The following ARSB variants were observed in gnomAD, a reference collection of about 807,000 sequenced individuals.
ARSB encodes the protein arylsulfatase B.
In ARSB, 41 loss-of-function variants were observed where a neutral mutation model predicts 50.9. The ratio of observed to expected loss-of-function variants is 0.81; its 90% confidence interval spans 0.63 to 1.04. ARSB has a LOEUF of 1.04. ARSB is among the 50% of genes least tolerant of loss of function. The pLI is 0.00. For missense variants in ARSB, 672 were observed against 693.3 expected (o/e 0.97, Z 0.35); for synonymous variants, 269 against 284.8 (o/e 0.94, Z 0.56).
intron 4 of ARSB, among the ~76,000 whole-genome samples, chr5:78,927,688 G>C (rs1561506789): frequency 6.6e-6 from 1 of 152,178 alleles, no homozygotes; most frequent in African/African-American, 2.4e-5. Flanking sequence ...AGCTTGGAGA[G>C]ACTGTATGCA....
intron 4 of ARSB, among the ~76,000 whole-genome samples, chr5:78,936,788 A>G (rs1036906731): frequency 6.6e-6 from 1 of 152,186 alleles, no homozygotes; most frequent in Non-Finnish European, 1.5e-5. Flanking sequence ...AATGCATTCA[A>G]TAATGTTTGT....
chr5:78,946,308 C>T (rs1179102080), intron 4 of ARSB, among the ~76,000 whole-genome samples: 1 of 152,122 alleles, frequency 6.6e-6, no homozygotes. Context: ...TCAAATTATC[C>T]TTGTTTGCAG....
intron 5 of ARSB, among the ~76,000 whole-genome samples, chr5:78,858,701 GA>G (rs543366561): frequency 2.6e-5 from 4 of 151,844 alleles, no homozygotes; most frequent in African/African-American, 9.7e-5. Flanking sequence ...AAATTTTGAA[GA>G]AAAAAAATAA....
At chr5:78,939,524 C>T (rs1021843198) in intron 4 of ARSB, among the ~76,000 whole-genome samples, 13 of 151,926 alleles carry the variant, frequency 8.6e-5, no homozygotes, top group African/African-American at 2.9e-4. Flanking sequence ...TGAGTGAGAA[C>T]ATGTGGTGTT....
intron 5 of ARSB, among the ~76,000 whole-genome samples, chr5:78,848,723 TA>T (rs1324645454): frequency 2.6e-5 from 4 of 152,160 alleles, no homozygotes; most frequent in African/African-American, 9.7e-5. Context: ...ACATCCTCTC[TA>T]GCACCTGTTG....
chr5:78,829,135 A>G (rs999671420), intron 6 of ARSB, among the ~76,000 whole-genome samples: 2 of 152,246 alleles, frequency 1.3e-5, no homozygotes, highest in Admixed American at 6.5e-5. Context: ...AGCCCTGCCA[A>G]TCGGTACCCT....
At chr5:78,870,273 C>T (rs1581071070) in intron 5 of ARSB, among the ~76,000 whole-genome samples, 1 of 110,030 alleles carries the variant, frequency 9.1e-6, no homozygotes, top group East Asian at 2.1e-4. Flanking sequence ...GAAACTATTC[C>T]AATCAATAGA....
rs774555967 is a variant in ARSB at position 78,984,929 on chromosome 5, C to T, written c.312+8G>A. ...GGGGGCGGCGCGGGCGGCGGGGGCG[C>T]CGCGTACCTGGTAGCGGCCAGTGAG... On this transcript the variant is annotated splice_region_variant and intron_variant, in intron 1 of 7. Coordinates refer to ENST00000264914, the MANE Select transcript of ARSB (RefSeq NM_000046.5). 2.2e-6 allele frequency: 3 copies of T among 1,356,672 alleles called. No homozygotes were observed. The highest frequency in any genetic ancestry group is 9.5e-7 in the Non-Finnish European group (1 of 1,053,588). The allele number at this position is 1,356,672 out of a possible 1,614,324, so 84.0% of individuals were successfully genotyped here. A position where few individuals can be genotyped will look rare whatever the true frequency, so the allele number is the denominator to read the frequency against.
chr5:78,849,722 C>T lies in ARSB; in HGVS notation c.1143-10296G>A, dbSNP rs1458072191. Among the ~76,000 whole-genome samples the T allele has an allele frequency of 2.7e-5, 4 of 146,104 alleles. 1 individual carries two copies. Among genetic ancestry groups the T allele is most frequent in the Non-Finnish European group, 4.6e-5 (3 of 65,492 alleles). On this transcript the variant is annotated intron_variant, in intron 5 of 7. Coordinates refer to ENST00000264914, the MANE Select transcript of ARSB (RefSeq NM_000046.5). Reference sequence around the variant, plus strand: ...GGAATGTTCTTCCATTTGTTTGTATCCTCTTTTATTTCCTTGAGCAGTGGT... The same window carrying T: ...GGAATGTTCTTCCATTTGTTTGTATTCTCTTTTATTTCCTTGAGCAGTGGT...
intron 6 of ARSB, among the ~76,000 whole-genome samples, chr5:78,808,116 A>C (rs954836200): frequency 1.4e-5 from 2 of 143,416 alleles, no homozygotes; most frequent in African/African-American, 5.5e-5. Context: ...AAAAAAAAAA[A>C]AACACCTTGC....
At chr5:78,949,906 T>C (rs1751424971) in intron 4 of ARSB, among the ~76,000 whole-genome samples, 1 of 151,822 alleles carries the variant, frequency 6.6e-6, no homozygotes. Flanking sequence ...CGAGACTCCA[T>C]CTCAAAAAAA....
chr5:78,966,510 T>C (rs1752212373), intron 2 of ARSB, among the ~76,000 whole-genome samples: 1 of 152,228 alleles, frequency 6.6e-6, no homozygotes, highest in African/African-American at 2.4e-5. Context: ...CTTGTGCAAC[T>C]ATCCCACCAT....
intron 6 of ARSB, among the ~76,000 whole-genome samples, chr5:78,818,526 C>T (rs896720765): frequency 1.3e-5 from 2 of 150,212 alleles, no homozygotes; most frequent in Non-Finnish European, 3.0e-5. Context: ...TTGCACGGTT[C>T]GCATTTCATT....
intron 4 of ARSB, among the ~76,000 whole-genome samples, chr5:78,913,727 C>A (rs530035658): frequency 1.3e-5 from 2 of 152,180 alleles, no homozygotes; most frequent in East Asian, 3.9e-4. Flanking sequence ...ACTATGTGTA[C>A]ATGTTTATAC....
At chr5:78,783,227 T>C (rs1025532553) in intron 6 of ARSB, 2 of 152,220 alleles carry the variant, frequency 1.3e-5, no homozygotes, top group Admixed American at 6.5e-5. Flanking sequence ...ATATGTGATA[T>C]GTCTGTAAAA....
chr5:78,893,571 A>G (rs16876057), intron 4 of ARSB, among the ~76,000 whole-genome samples: 3,337 of 152,324 alleles, frequency 0.022, 123 homozygotes, highest in African/African-American at 0.074. Context: ...GAAAACGTTT[A>G]TTCTCTACAA....
In ARSB at chr5:78,780,465, C is replaced by A. The variant is rs201928777; in HGVS notation, c.1534G>T (p.Val512Leu). Residue 512 changes from valine (V) to leucine (L), a missense_variant, in exon 8 of 8, where the codon GTG (valine) becomes TTG (leucine). Physicochemically the swap from Val to Leu is conservative, Grantham distance 32 (BLOSUM62 1). Transcript: ENST00000264914. ...LQFYHKHSVP[V>L]YFPAQDPRCD... The stretch of plus-strand genomic sequence containing the variant: ...CGGGGGTCCTGTGCAGGGAAGTACA[C>A]GGGGACTGAGTGTTTATGGTAGAAC... 1.2e-5 allele frequency: 20 copies of A among 1,614,092 alleles called. No individual in the cohort carries two copies. The highest frequency in any genetic ancestry group is 1.6e-5 in the Non-Finnish European group (19 of 1,180,014).
At chr5:78,960,098 C>A (rs530620010) in intron 3 of ARSB, among the ~76,000 whole-genome samples, 1 of 152,298 alleles carries the variant, frequency 6.6e-6, no homozygotes, top group South Asian at 2.1e-4. Context: ...TACCTGTAAC[C>A]CTTTCCAGTG....
intron 4 of ARSB, among the ~76,000 whole-genome samples, chr5:78,932,264 G>C (rs570935946): frequency 6.6e-6 from 1 of 152,316 alleles, no homozygotes; most frequent in South Asian, 2.1e-4. Flanking sequence ...TACCTCCCAT[G>C]TGACTGAGGC....
Sources: allele counts gnomAD v4.1 joint callset (sites outside exome capture counted in the v4.1 genomes callset), GRCh38; gene constraint gnomAD v4.1.1; transcripts MANE v1.5; gene names NCBI Gene and HGNC (gene_info 2026-07-23, HGNC 2026-07-21).